The following ITPR1 variants were observed in gnomAD, a reference collection of about 807,000 sequenced individuals.
The protein encoded by ITPR1 is inositol 1,4,5-trisphosphate-gated calcium channel ITPR1.
In ITPR1, 96 loss-of-function variants were observed where a neutral mutation model predicts 318.4. The observed-to-expected ratio is 0.30, with a 90% CI of 0.26 to 0.36. The LOEUF (loss-of-function observed/expected upper bound fraction) is 0.36. Ranked by LOEUF, ITPR1 falls within the 10% of genes least tolerant of loss-of-function variation. ITPR1 has a pLI of 1.00. For synonymous variants in ITPR1, 1,312 were observed against 1,289.9 expected, an observed-to-expected ratio of 1.02 and a Z score of -0.37; for missense variants, 2,440 against 3,460.2, an observed-to-expected ratio of 0.71 and a Z score of 7.40.
At chr3:4,649,067 A>T (rs1453922489) in intron 10 of ITPR1, among the ~76,000 whole-genome samples, 1 of 152,154 alleles carries the variant, frequency 6.6e-6, no homozygotes, top group East Asian at 1.9e-4. Context: ...ACCACTTCTC[A>T]TGTGTAATTT....
chr3:4,710,277 G>T lies in ITPR1; in HGVS notation c.4843-48G>T. On this transcript the variant is annotated intron_variant, in intron 37 of 61. Coordinates refer to ENST00000649015, the MANE Select transcript of ITPR1 (RefSeq NM_001378452.1). The surrounding 1 kb of genome is among the most constrained non-coding windows in gnomAD (Gnocchi z 4.2). ...GAAATCAATGTCCTCACCCTCCTGT[G>T]GTCAGCGTCTGCCTGAGCCGTTGAC... 6.8e-7 allele frequency: 1 copy of T among 1,473,968 alleles called. No homozygotes were observed. Among genetic ancestry groups the T allele is most frequent in the Non-Finnish European group, 9.1e-7 (1 of 1,102,638 alleles). The allele number at this position is 1,473,968 out of a possible 1,614,324, so 91.3% of individuals were successfully genotyped here. A position where few individuals can be genotyped will look rare whatever the true frequency, so the allele number is the denominator to read the frequency against.
At position 4,673,335 on chromosome 3, in the gene ITPR1, G is replaced by A. The variant is rs369080877; in HGVS notation, c.2404G>A (p.Val802Met). 1.3e-5 allele frequency: 21 copies of A among 1,612,748 alleles called. No homozygotes were observed. The highest frequency in any genetic ancestry group is 2.2e-5 in the South Asian group (2 of 91,020). ...DRDPQEQVTPVKYARLWSEIP... is the reference protein window; with the variant it reads ...DRDPQEQVTPMKYARLWSEIP... Reference sequence around the variant, plus strand: ...AGATCCCCAGGAACAAGTCACCCCCGTGAAATATGCCCGCCTCTGGTCGGA... The same window carrying A: ...AGATCCCCAGGAACAAGTCACCCCCATGAAATATGCCCGCCTCTGGTCGGA... The change falls in exon 21 of 62, where the codon GTG becomes ATG. Residue 802 changes from valine (V) to methionine (M), a missense_variant. Transcript: ENST00000649015.
At chr3:4,806,479 AC>A (rs1373848226) in intron 55 of ITPR1, among the ~76,000 whole-genome samples, 4 of 152,150 alleles carry the variant, frequency 2.6e-5, no homozygotes, top group Non-Finnish European at 5.9e-5. Context: ...ACACAACCGC[AC>A]TGTGTACTGG....
chr3:4,792,979 A>G (rs867897658), intron 52 of ITPR1, among the ~76,000 whole-genome samples: 1 of 152,172 alleles, frequency 6.6e-6, no homozygotes, highest in Non-Finnish European at 1.5e-5. Flanking sequence ...TTGGGATACA[A>G]AGGCAGAGTA....
intron 4 of ITPR1, among the ~76,000 whole-genome samples, chr3:4,565,019 C>G (rs898445082): frequency 2.0e-5 from 3 of 152,210 alleles, no homozygotes; most frequent in Non-Finnish European, 4.4e-5. Context: ...CATTTTGAAG[C>G]TGTTTAACCC....
In ITPR1 at chr3:4,539,641, G is replaced by A. The variant is rs564439655; in HGVS notation, c.163+18547G>A. Among the ~76,000 whole-genome samples the A allele has an allele frequency of 6.6e-5, 10 of 152,304 alleles. 1 individual carries two copies. The highest frequency in any genetic ancestry group is 1.9e-4 in the East Asian group (1 of 5,184). On this transcript the variant is annotated intron_variant, in intron 4 of 61. Transcript: ENST00000649015. Reference sequence around the variant, plus strand: ...TTGGAACTTGGTCTTCAATGTGGCAGTGTTGAGAAGTGGGGCCTTTAAGAG... The same window carrying A: ...TTGGAACTTGGTCTTCAATGTGGCAATGTTGAGAAGTGGGGCCTTTAAGAG...
At chr3:4,603,247 A>G (rs1030791354) in intron 4 of ITPR1, among the ~76,000 whole-genome samples, 4 of 151,956 alleles carry the variant, frequency 2.6e-5, no homozygotes, top group African/African-American at 7.2e-5. Flanking sequence ...TAAAATTTCA[A>G]CTTTTATTTT....
intron 54 of ITPR1, among the ~76,000 whole-genome samples, chr3:4,802,076 G>C (rs1157730879): frequency 6.6e-6 from 1 of 152,112 alleles, no homozygotes; most frequent in African/African-American, 2.4e-5. Flanking sequence ...TGATAAATAT[G>C]AGGTGAAAAA....
intron 54 of ITPR1, among the ~76,000 whole-genome samples, chr3:4,803,448 AT>A (rs2048367104): frequency 6.6e-6 from 1 of 152,216 alleles, no homozygotes; most frequent in Non-Finnish European, 1.5e-5. Flanking sequence ...TCATGCAAAG[AT>A]TTAGTTTTTC....
Position 4,702,959 on chromosome 3 carries a change from C to G in ITPR1, c.4657+9C>G, listed in dbSNP as rs757529314. On this transcript the variant is annotated intron_variant, in intron 36 of 61. Coordinates refer to ENST00000649015, the MANE Select transcript of ITPR1 (RefSeq NM_001378452.1). ...GGTGCTGTCTGATGTAGGTAAGATACCAAGTCAGTTTGGATATACGTGATG... is the reference window on the plus strand; with the variant it reads ...GGTGCTGTCTGATGTAGGTAAGATAGCAAGTCAGTTTGGATATACGTGATG... The G allele has an allele frequency of 2.3e-5, 37 of 1,612,852 alleles. No individual in the cohort carries two copies. In the Admixed American group the frequency reaches 5.8e-4, roughly 25 times the overall value.
At chr3:4,533,919 C>T (rs898946648) in intron 4 of ITPR1, among the ~76,000 whole-genome samples, 6 of 152,182 alleles carry the variant, frequency 3.9e-5, no homozygotes, top group African/African-American at 1.4e-4. Flanking sequence ...CCCCAAACAG[C>T]AGGCATTCCA....
At chr3:4,676,950 G>T in intron 24 of ITPR1, 149 bp downstream of exon 24, 1 of 622,386 alleles carries the variant, frequency 1.6e-6, no homozygotes, top group East Asian at 2.8e-5. Context: ...TTATGAGCTG[G>T]CTCCTCTTAA....
chr3:4,794,331 G>T (rs1379255966), intron 52 of ITPR1, among the ~76,000 whole-genome samples: 2 of 152,192 alleles, frequency 1.3e-5, no homozygotes, highest in African/African-American at 4.8e-5. Flanking sequence ...AAGCGTCTCT[G>T]TCTCTTGCCC....
At chr3:4,827,181 C>A (rs189395781) in intron 60 of ITPR1, among the ~76,000 whole-genome samples, 1 of 152,244 alleles carries the variant, frequency 6.6e-6, no homozygotes, top group Non-Finnish European at 1.5e-5. Flanking sequence ...CTGACCCACC[C>A]TCCTGCTCCT....
intron 44 of ITPR1, among the ~76,000 whole-genome samples, chr3:4,743,487 G>A (rs567237536): frequency 8.5e-5 from 13 of 152,294 alleles, no homozygotes; most frequent in South Asian, 2.1e-4. Flanking sequence ...TTCCCAGTTC[G>A]GGGCAAGAAA....
intron 38 of ITPR1, 159 bp from the exon 39 acceptor site, chr3:4,711,598 G>C (rs2041375251): frequency 3.4e-6 from 2 of 588,306 alleles, no homozygotes; most frequent in East Asian, 2.8e-5. Context: ...TTGCTAACTG[G>C]CTGTTCTCAG....
intron 51 of ITPR1, 87 bp downstream of exon 51, chr3:4,784,007 C>A: frequency 1.1e-6 from 1 of 883,154 alleles, no homozygotes; most frequent in Non-Finnish European, 1.8e-6. Flanking sequence ...TGCATTCATT[C>A]ATCTGAGCAA....
chr3:4,714,343 G>A (rs1184456003), intron 39 of ITPR1, among the ~76,000 whole-genome samples: 1 of 152,182 alleles, frequency 6.6e-6, no homozygotes, highest in Admixed American at 6.5e-5. Flanking sequence ...TCCCATCCCT[G>A]TTTTCTGATG....
chr3:4,558,630 G>A (rs1381196482), intron 4 of ITPR1, among the ~76,000 whole-genome samples: 2 of 152,086 alleles, frequency 1.3e-5, no homozygotes, highest in South Asian at 2.1e-4. Flanking sequence ...CAAGGAAATA[G>A]CAGTTTAATC....
Sources: allele counts gnomAD v4.1 joint callset (sites outside exome capture counted in the v4.1 genomes callset), GRCh38; gene constraint gnomAD v4.1.1; non-coding constraint Gnocchi (gnomAD v3.1); transcripts MANE v1.5; gene names NCBI Gene and HGNC (gene_info 2026-07-23, HGNC 2026-07-21).